The following INPP4B variants were observed in gnomAD, a reference collection of about 807,000 sequenced individuals.
INPP4B encodes the protein inositol polyphosphate 4-phosphatase type II.
A neutral mutation model predicts 122.5 loss-of-function variants in INPP4B; 55 were observed. The ratio of observed to expected loss-of-function variants is 0.45; its 90% CI spans 0.36 to 0.56. The LOEUF (loss-of-function observed/expected upper bound fraction) is 0.56. Ranked by LOEUF, INPP4B falls within the 20% of genes least tolerant of loss-of-function variation. The probability of loss-of-function intolerance (pLI) is 0.00; values close to 1 mark genes in which losing one functional copy is unlikely to be tolerated. For missense variants in INPP4B, 1,000 were observed against 1,097.7 expected, an observed-to-expected ratio of 0.91 and a Z score of 1.26; for synonymous variants, 403 against 388.7, an observed-to-expected ratio of 1.04 and a Z score of -0.43.
intron 2 of INPP4B, among the ~76,000 whole-genome samples, chr4:142,642,198 T>C (rs1263285210): frequency 6.6e-6 from 1 of 152,196 alleles, no homozygotes; most frequent in African/African-American, 2.4e-5. Flanking sequence ...TTGCAAAAAT[T>C]TTCTCCCATT....
chr4:142,038,101 A>G (rs944192089), intron 25 of INPP4B, among the ~76,000 whole-genome samples: 1 of 152,114 alleles, frequency 6.6e-6, no homozygotes, highest in Non-Finnish European at 1.5e-5. Flanking sequence ...AACTCGAAAT[A>G]CTCTAGATAA....
intron 2 of INPP4B, among the ~76,000 whole-genome samples, chr4:142,630,330 T>G (rs2008423): frequency 6.6e-6 from 1 of 152,048 alleles, no homozygotes; most frequent in Admixed American, 6.6e-5. Flanking sequence ...ACAGCCAACA[T>G]AGTACGTTTC....
At chr4:142,380,307 T>C (rs1231278422) in intron 7 of INPP4B, among the ~76,000 whole-genome samples, 1 of 152,190 alleles carries the variant, frequency 6.6e-6, no homozygotes, top group African/African-American at 2.4e-5. Context: ...TGGCTGTCAC[T>C]TTCTTCCTCT....
At chr4:142,253,860 A>C (rs1348161652) in intron 11 of INPP4B, among the ~76,000 whole-genome samples, 1 of 152,170 alleles carries the variant, frequency 6.6e-6, no homozygotes, top group East Asian at 1.9e-4. Flanking sequence ...ACCACAGCTC[A>C]AGGAGGCCTG....
At chr4:142,585,242 A>G (rs1344855505) in intron 2 of INPP4B, among the ~76,000 whole-genome samples, 1 of 152,156 alleles carries the variant, frequency 6.6e-6, no homozygotes, top group Non-Finnish European at 1.5e-5. Context: ...CTCAAGAATG[A>G]TGTTAGAAAA....
chr4:142,025,823 TTGGAACAAA>T lies in INPP4B; in HGVS notation c.*2950_*2958del, dbSNP rs1736843908. 6.6e-6 allele frequency: 1 copy of T among 152,158 alleles called. No homozygotes were observed. The allele number at this position is 152,158 out of a possible 1,614,324, so 9.4% of individuals were successfully genotyped here. A position where few individuals can be genotyped will look rare whatever the true frequency, so the allele number is the denominator to read the frequency against. On this transcript the variant is annotated 3_prime_UTR_variant, in exon 26 of 26. Transcript: ENST00000262992. ...TTTGTCATTTAGTACAATTTATCACTTGGAACAAATGGTTGCTCGACTCACTGAATTATG... is the reference window on the plus strand; with the variant it reads ...TTTGTCATTTAGTACAATTTATCACTTGGTTGCTCGACTCACTGAATTATG...
intron 17 of INPP4B, among the ~76,000 whole-genome samples, chr4:142,146,531 C>T (rs1810828875): frequency 1.3e-5 from 2 of 152,172 alleles, no homozygotes; most frequent in Non-Finnish European, 2.9e-5. Flanking sequence ...CCCTTACACA[C>T]ATGAATTTCA....
At chr4:142,833,620 T>G (rs1257028973) in intron 1 of INPP4B, among the ~76,000 whole-genome samples, 1 of 152,028 alleles carries the variant, frequency 6.6e-6, no homozygotes, top group Non-Finnish European at 1.5e-5. Context: ...AAGACTCAGA[T>G]AGAATACAAT....
chr4:142,073,315 C>G (rs1768645845), intron 25 of INPP4B, among the ~76,000 whole-genome samples: 1 of 152,042 alleles, frequency 6.6e-6, no homozygotes, highest in East Asian at 1.9e-4. Flanking sequence ...TATATTATGC[C>G]TAGCATTTGA....
At chr4:142,644,082 T>C (rs1400321105) in intron 2 of INPP4B, among the ~76,000 whole-genome samples, 1 of 151,880 alleles carries the variant, frequency 6.6e-6, no homozygotes, top group Non-Finnish European at 1.5e-5. Context: ...GTGCCTATAG[T>C]CCTAGCTACT....
chr4:142,832,306 A>T (rs2151186515), intron 1 of INPP4B, among the ~76,000 whole-genome samples: 1 of 152,324 alleles, frequency 6.6e-6, no homozygotes, highest in South Asian at 2.1e-4. Flanking sequence ...GACCATGAAA[A>T]AAAAATTGGC....
intron 14 of INPP4B, 70 bp downstream of exon 14, chr4:142,208,355 T>C (rs765822524): frequency 7.9e-5 from 54 of 685,018 alleles, no homozygotes; most frequent in Non-Finnish European, 5.2e-5. Flanking sequence ...ATTCTGCCAA[T>C]AGTCAAGCTG....
intron 2 of INPP4B, among the ~76,000 whole-genome samples, chr4:142,629,322 G>A (rs1580553297): frequency 6.6e-6 from 1 of 152,100 alleles, no homozygotes; most frequent in Admixed American, 6.6e-5. Context: ...GTGGCAAACT[G>A]TAAGAGAGTA....
intron 7 of INPP4B, among the ~76,000 whole-genome samples, chr4:142,402,317 A>G (rs1300022322): frequency 6.6e-6 from 1 of 152,228 alleles, no homozygotes; most frequent in East Asian, 1.9e-4. Context: ...AAGAATTTTA[A>G]GAGTGTCCTC....
intron 25 of INPP4B, among the ~76,000 whole-genome samples, chr4:142,040,566 C>T (rs1265367386): frequency 1.3e-5 from 2 of 151,970 alleles, no homozygotes; most frequent in African/African-American, 2.4e-5. Context: ...AATGAAACAA[C>T]AAAAATACAT....
At chr4:142,289,352 T>C (rs553560615) in intron 9 of INPP4B, among the ~76,000 whole-genome samples, 12 of 152,378 alleles carry the variant, frequency 7.9e-5, no homozygotes, top group Non-Finnish European at 1.8e-4. Flanking sequence ...TGTTTAAAAC[T>C]GAACTTCCAA....
chr4:142,398,454 T>A (rs13151359), intron 7 of INPP4B, among the ~76,000 whole-genome samples: 1 of 102,622 alleles, frequency 9.7e-6, no homozygotes, highest in South Asian at 3.2e-4. Context: ...ATAAAACATA[T>A]TAAACATAGT....
chr4:142,401,093 G>C (rs557911622), intron 7 of INPP4B, among the ~76,000 whole-genome samples: 1 of 152,148 alleles, frequency 6.6e-6, no homozygotes, highest in Admixed American at 6.5e-5. Flanking sequence ...TTTGCAGAAC[G>C]TAAAATCCTA....
intron 2 of INPP4B, among the ~76,000 whole-genome samples, chr4:142,671,998 T>C (rs1757067703): frequency 6.6e-6 from 1 of 152,176 alleles, no homozygotes; most frequent in South Asian, 2.1e-4. Context: ...AATGGAATCA[T>C]GAAACATGTA....
Sources: gnomAD v4.1 joint callset for allele counts (sites outside exome capture counted in the v4.1 genomes callset) on GRCh38, gnomAD v4.1.1 for gene constraint, MANE v1.5 for transcripts, NCBI Gene and HGNC (gene_info 2026-07-23, HGNC 2026-07-21) for gene names.